The following RELN variants were observed in gnomAD, a reference collection of about 807,000 sequenced individuals.
The protein encoded by RELN is reelin.
Under a neutral mutation model 427.6 loss-of-function variants are expected in RELN, and 108 were observed. The observed-to-expected ratio is 0.25, with a 90% CI of 0.22 to 0.30. The LOEUF is 0.30. RELN is among the 10% of genes least tolerant of loss of function. The pLI is 1.00. For missense variants in RELN, 3,715 were observed against 4,302.8 expected (o/e 0.86, Z 3.82); for synonymous variants, 1,524 against 1,513.4 (o/e 1.01, Z -0.16).
chr7:103,567,501 GT>G (rs1452332864), intron 31 of RELN, among the ~76,000 whole-genome samples: 1 of 152,132 alleles, frequency 6.6e-6, no homozygotes, highest in Non-Finnish European at 1.5e-5. Context: ...AAAGGAAAAA[GT>G]TGCTAAGGAT....
intron 41 of RELN, among the ~76,000 whole-genome samples, chr7:103,547,795 T>C (rs369509535): frequency 1.4e-4 from 21 of 152,130 alleles, no homozygotes; most frequent in African/African-American, 5.1e-4. Context: ...TCTTATTTAT[T>C]CAAATGTTCT....
At chr7:103,875,628 A>G (rs539719365) in intron 2 of RELN, among the ~76,000 whole-genome samples, 1 of 152,266 alleles carries the variant, frequency 6.6e-6, no homozygotes, top group Admixed American at 6.5e-5. Context: ...TAAAACTACC[A>G]GGTGGATATA....
rs545608106 is a variant in RELN at position 103,927,151 on chromosome 7, T to C, written c.227-9966A>G. Among the ~76,000 whole-genome samples the C allele has an allele frequency of 2.0e-5, 3 of 152,326 alleles. No homozygotes were observed. In the South Asian group the frequency reaches 6.2e-4, roughly 32 times the overall value. On this transcript the variant is annotated intron_variant, in intron 1 of 64. Coordinates refer to ENST00000428762, the MANE Select transcript of RELN (RefSeq NM_005045.4). ...TAAGACAAATTTTAAAACTCACTTA[T>C]TTTATGATCAGACCCTGTGGGTGTG...
rs1415236639 is a variant in RELN, at chr7:103,909,712, AT to A, written c.337+7362del. ...AAATATATATATTTAATATATATAA[AT>A]ATATATTAAATATATTTTTTAATAT... On this transcript the variant is annotated intron_variant, in intron 2 of 64. Transcript: ENST00000428762. Among the ~76,000 whole-genome samples, 262 of 33,980 alleles carry A rather than the reference AT, an allele frequency of 7.7e-3. 79 individuals are homozygous for A. Among genetic ancestry groups the A allele is most frequent in the African/African-American group, 0.037 (252 of 6,778 alleles). 22.3% of individuals were successfully genotyped at this position (33,980 alleles called of 152,430 possible). A position where few individuals can be genotyped will look rare whatever the true frequency, so the allele number is the denominator to read the frequency against.
At chr7:103,852,014 T>C (rs958462265) in intron 2 of RELN, among the ~76,000 whole-genome samples, 14 of 152,174 alleles carry the variant, frequency 9.2e-5, no homozygotes, top group Non-Finnish European at 1.9e-4. Flanking sequence ...AGGACTACTA[T>C]GTAAGATTGT....
chr7:103,801,726 T>TA (rs34093844), intron 3 of RELN, among the ~76,000 whole-genome samples: 37,765 of 144,648 alleles, frequency 0.26, 4,741 homozygotes, highest in East Asian at 0.35. Flanking sequence ...ACTTAAAGTA[T>TA]AAAAAAAAAA....
Position 103,611,599 on chromosome 7 carries a change from A to T in RELN, c.2895+12T>A. The T allele has an allele frequency of 1.6e-5, 25 of 1,611,968 alleles. No individual in the cohort carries two copies. Among genetic ancestry groups the T allele is most frequent in the Non-Finnish European group, 2.1e-5 (25 of 1,178,630 alleles). ...GGTTACCTGTTACAAGGTTTAAGGA[A>T]ACTAGACTTACTTCTTGGACGAGGT... On this transcript the variant is annotated intron_variant, in intron 21 of 64. Coordinates refer to ENST00000428762, the MANE Select transcript of RELN (RefSeq NM_005045.4).
chr7:103,752,251 G>C (rs1156767833), intron 5 of RELN, among the ~76,000 whole-genome samples: 1 of 152,166 alleles, frequency 6.6e-6, no homozygotes. Context: ...TGTGTGGCTA[G>C]CAAGTGGTAA....
chr7:103,925,771 TC>T (rs1795717692), intron 1 of RELN, among the ~76,000 whole-genome samples: 1 of 152,234 alleles, frequency 6.6e-6, no homozygotes, highest in Admixed American at 6.5e-5. Flanking sequence ...ACAATGTTTT[TC>T]TTTTGAGGCA....
At chr7:103,874,205 T>C (rs1281514027) in intron 2 of RELN, among the ~76,000 whole-genome samples, 7 of 118,600 alleles carry the variant, frequency 5.9e-5, no homozygotes, top group African/African-American at 1.8e-4. Context: ...TGGGATGTAT[T>C]TCAAAATAAT....
At chr7:103,721,443 G>A (rs1790074899) in intron 8 of RELN, among the ~76,000 whole-genome samples, 1 of 151,990 alleles carries the variant, frequency 6.6e-6, no homozygotes, top group Non-Finnish European at 1.5e-5. Context: ...GCTTGCTATG[G>A]GTTTTGAGTC....
At chr7:103,539,917 G>A (rs933985423) in intron 44 of RELN, among the ~76,000 whole-genome samples, 4 of 152,158 alleles carry the variant, frequency 2.6e-5, no homozygotes, top group Non-Finnish European at 5.9e-5. Context: ...CTTGTATCAC[G>A]CTTGATAAAG....
rs141588470 is a variant in RELN at position 103,957,568 on chromosome 7, A to G, written c.226+31563T>C. Among the ~76,000 whole-genome samples, 976 of 152,296 alleles carry G rather than the reference A, an allele frequency of 6.4e-3. 11 individuals carry two copies. The highest frequency in any genetic ancestry group is 0.011 in the Non-Finnish European group (762 of 68,020). On this transcript the variant is annotated intron_variant, in intron 1 of 64. Transcript: ENST00000428762. Reference sequence around the variant, plus strand: ...GGAGGTGAAGTTACTTCTCCTGGTCACACGCACATGCTCATAAATGCACAC... The same window carrying G: ...GGAGGTGAAGTTACTTCTCCTGGTCGCACGCACATGCTCATAAATGCACAC...
chr7:103,819,149 C>A (rs1219366320), intron 3 of RELN, among the ~76,000 whole-genome samples: 1 of 151,968 alleles, frequency 6.6e-6, no homozygotes, highest in Non-Finnish European at 1.5e-5. Context: ...TGTACATAGG[C>A]ATTGCTTTCA....
At chr7:103,725,600 T>A (rs541450992) in intron 7 of RELN, among the ~76,000 whole-genome samples, 1 of 152,276 alleles carries the variant, frequency 6.6e-6, no homozygotes, top group East Asian at 1.9e-4. Context: ...GTGAAGAATT[T>A]CTTTTTTTAA....
At position 103,483,772 on chromosome 7, in the gene RELN, A is replaced by C; in HGVS notation, c.10062T>G (p.Ala3354=). Residue 3354 remains alanine, a synonymous_variant, in exon 62 of 65, where the codon GCT becomes GCG. Coordinates refer to ENST00000428762, the MANE Select transcript of RELN (RefSeq NM_005045.4). ...ATTGCAGCAGCACTGCCTTGTCCAC[A>C]GCGTGGGGGCCACTCAGGTCACTGT... ...SCNSDLSGPH[A]VDKAVLLQYS... The C allele has an allele frequency of 6.2e-7, 1 of 1,614,092 alleles. No individual in the cohort carries two copies. Among genetic ancestry groups the C allele is most frequent in the Non-Finnish European group, 8.5e-7 (1 of 1,179,926 alleles).
intron 11 of RELN, among the ~76,000 whole-genome samples, chr7:103,668,213 G>A (rs991135360): frequency 5.3e-5 from 8 of 152,182 alleles, no homozygotes; most frequent in African/African-American, 1.9e-4. Flanking sequence ...CTGGGTGACA[G>A]AGGGAGACTC....
intron 1 of RELN, among the ~76,000 whole-genome samples, chr7:103,987,631 C>T (rs989694030): frequency 2.6e-5 from 4 of 152,162 alleles, no homozygotes; most frequent in Non-Finnish European, 4.4e-5. Context: ...AAGAGTCGCA[C>T]GGAGCAGCAG....
At chr7:103,742,176 C>A (rs549321954) in intron 6 of RELN, among the ~76,000 whole-genome samples, 1 of 152,164 alleles carries the variant, frequency 6.6e-6, no homozygotes, top group African/African-American at 2.4e-5. Flanking sequence ...GGACGTCTAG[C>A]AAACTCCAAC....
Sources: gnomAD v4.1 joint callset for allele counts (sites outside exome capture counted in the v4.1 genomes callset) on GRCh38, gnomAD v4.1.1 for gene constraint, MANE v1.5 for transcripts, NCBI Gene and HGNC (gene_info 2026-07-23, HGNC 2026-07-21) for gene names.